The following MYO18A variants were observed in gnomAD, a reference collection of about 807,000 sequenced individuals.
The protein encoded by MYO18A is unconventional myosin-XVIIIa.
In MYO18A, 78 loss-of-function variants were observed where a neutral mutation model predicts 235.8. The ratio of observed to expected loss-of-function variants is 0.33; its 90% CI spans 0.28 to 0.40. MYO18A has a LOEUF of 0.40. MYO18A is among the 10% of genes least tolerant of loss of function. MYO18A has a pLI of 1.00. For missense variants in MYO18A, 2,215 were observed against 2,699.3 expected, an observed-to-expected ratio of 0.82 and a Z score of 3.98; for synonymous variants, 977 against 1,077.8, an observed-to-expected ratio of 0.91 and a Z score of 1.83.
At chr17:29,157,530 G>T (rs755341216) in intron 2 of MYO18A, among the ~76,000 whole-genome samples, 1 of 152,218 alleles carries the variant, frequency 6.6e-6, no homozygotes, top group African/African-American at 2.4e-5. Flanking sequence ...GATGGCCTGA[G>T]TTCAAGTCCT....
intron 34 of MYO18A, chr17:29,091,835 C>A: frequency 5.8e-6 from 2 of 344,168 alleles, no homozygotes; most frequent in South Asian, 4.3e-5. Context: ...CCTGTACTGG[C>A]CGCATCCCAG....
chr17:29,159,144 C>T (rs1008424475), intron 2 of MYO18A, among the ~76,000 whole-genome samples: 1 of 152,128 alleles, frequency 6.6e-6, no homozygotes, highest in African/African-American at 2.4e-5. Flanking sequence ...TGCAATTCAT[C>T]GAGCATCTCA....
At chr17:29,168,123 C>G (rs371462769) in intron 1 of MYO18A, among the ~76,000 whole-genome samples, 174 of 125,892 alleles carry the variant, frequency 1.4e-3, no homozygotes, top group African/African-American at 4.9e-3. Context: ...AGTAAAGCAG[C>G]AAGAGAAAGA....
Position 29,166,814 on chromosome 17 carries a change from G to A in MYO18A, c.127C>T (p.Arg43Cys), listed in dbSNP as rs762579319. 2.5e-6 allele frequency: 4 copies of A among 1,601,054 alleles called. No individual in the cohort carries two copies. Among genetic ancestry groups the A allele is most frequent in the Admixed American group, 1.7e-5 (1 of 57,530 alleles). The change falls in exon 2 of 42, where the codon CGT becomes TGT. Residue 43 changes from arginine to cysteine, a missense_variant. Transcript: ENST00000527372. ...LRSLEEMSLR[R>C]GFFNLNRSSK... The stretch of plus-strand genomic sequence containing the variant: ...GAGCGGTTCAGGTTGAAGAAGCCAC[G>A]TCGCAGGCTCATCTCCTCCAGGCTC...
chr17:29,124,675 G>A, intron 2 of MYO18A: 2 of 1,285,280 alleles, frequency 1.6e-6, no homozygotes, highest in Non-Finnish European at 2.0e-6. Flanking sequence ...ATGAGAGGCG[G>A]CCTCAGAGTC....
rs569223739 is a variant in MYO18A at position 29,165,886 on chromosome 17, G to A, written c.999+56C>T. 193 of 1,515,246 alleles carry A rather than the reference G, an allele frequency of 1.3e-4. 3 individuals carry two copies. In the East Asian group the frequency reaches 4.4e-3, roughly 35 times the overall value. 93.9% of individuals were successfully genotyped at this position (1,515,246 alleles called of 1,614,324 possible). A position where few individuals can be genotyped will look rare whatever the true frequency, so the allele number is the denominator to read the frequency against. On this transcript the variant is annotated intron_variant, in intron 2 of 41. Transcript: ENST00000527372. The stretch of plus-strand genomic sequence containing the variant: ...GGTACCCCGATTACCCAGTCAAGCA[G>A]GAGGTGCCCACATTCCCCATCCCTG...
At chr17:29,116,018 TG>T (rs2152839119) in intron 11 of MYO18A, among the ~76,000 whole-genome samples, 178 bp from the exon 12 acceptor site, 1 of 152,286 alleles carries the variant, frequency 6.6e-6, no homozygotes, top group East Asian at 1.9e-4. Context: ...CTGTGTCCCG[TG>T]GGGATGGAGA....
At position 29,074,615 on chromosome 17, in the gene MYO18A, T is replaced by G. The variant is rs574519022; in HGVS notation, c.*155A>C. 2 of 766,626 alleles carry G rather than the reference T, an allele frequency of 2.6e-6. No individual in the cohort carries two copies. The highest frequency in any genetic ancestry group is 3.5e-5 in the African/African-American group (2 of 57,488). The allele number at this position is 766,626 out of a possible 1,614,324, so 47.5% of individuals were successfully genotyped here. On this transcript the variant is annotated 3_prime_UTR_variant, in exon 42 of 42. Transcript: ENST00000527372. This position sits in a 1 kb window ranked among gnomAD's most constrained non-coding sequence, Gnocchi z 4.4. ...TCCACGTGGAGACATCAGACACCCA[T>G]AGCCTGGAAAGTGCCCCTGACAGAA...
intron 2 of MYO18A, among the ~76,000 whole-genome samples, chr17:29,142,030 C>T (rs899032352): frequency 1.5e-4 from 23 of 152,208 alleles, no homozygotes; most frequent in Admixed American, 1.1e-3. Context: ...CTGCAAGCTC[C>T]GCCTCCCGGG....
chr17:29,111,338 C>T lies in MYO18A; in HGVS notation c.2900+86G>A. ...GCCATCTACTTTGCTAGTGAGGGGG[C>T]CTCTGAGACAACCCCAGGGGGAGGG... On this transcript the variant is annotated intron_variant, in intron 17 of 41. Transcript: ENST00000527372. This position sits in a 1 kb window ranked among gnomAD's most constrained non-coding sequence, Gnocchi z 5.1. 1 of 1,465,986 alleles carries T rather than the reference C, an allele frequency of 6.8e-7. No individual in the cohort carries two copies. Among genetic ancestry groups the T allele is most frequent in the Admixed American group, 2.0e-5 (1 of 50,030 alleles). 90.8% of individuals were successfully genotyped at this position (1,465,986 alleles called of 1,614,324 possible).
intron 38 of MYO18A, 170 bp downstream of exon 38, chr17:29,086,766 T>C (rs1017461243): frequency 8.1e-6 from 9 of 1,104,794 alleles, no homozygotes; most frequent in Non-Finnish European, 1.0e-5. Context: ...GAGTCTCCAG[T>C]GCCGCTAGCT....
chr17:29,098,755 C>A lies in MYO18A; in HGVS notation c.3780+71G>T. 2.5e-6 allele frequency: 4 copies of A among 1,577,468 alleles called. No homozygotes were observed. The Admixed American group carries it at 7.2e-5, about 28-fold the overall frequency. Reference sequence around the variant, plus strand: ...CTCTCTGGACTAAACGAAGAAGCGCCTGGAAGCCCAAGATAAACCAGCAAG... The same window carrying A: ...CTCTCTGGACTAAACGAAGAAGCGCATGGAAGCCCAAGATAAACCAGCAAG... On this transcript the variant is annotated intron_variant, in intron 23 of 41. Transcript: ENST00000527372.
intron 32 of MYO18A, 68 bp downstream of exon 32, chr17:29,093,255 G>C: frequency 7.2e-7 from 1 of 1,392,814 alleles, no homozygotes; most frequent in Non-Finnish European, 9.9e-7. Context: ...CCCATCCCTA[G>C]GATCCCCACT....
At chr17:29,163,977 C>T (rs2068227757) in intron 2 of MYO18A, among the ~76,000 whole-genome samples, 1 of 152,230 alleles carries the variant, frequency 6.6e-6, no homozygotes, top group South Asian at 2.1e-4. Context: ...GCAACTTCCG[C>T]CTCCCGGGTT....
chr17:29,074,036 CCA>C lies in MYO18A; in HGVS notation c.*732_*733del, dbSNP rs781476992. 2 of 1,613,828 alleles carry C rather than the reference CCA, an allele frequency of 1.2e-6. No individual in the cohort carries two copies. Among genetic ancestry groups the C allele is most frequent in the African/African-American group, 2.7e-5 (2 of 74,848 alleles). ...GGTGGGGGCTGGAGGTGCGGATGGT[CCA>C]CACACACACTTGTCTGCGTAGGCTT... On this transcript the variant is annotated 3_prime_UTR_variant, in exon 42 of 42. Transcript: ENST00000527372. The surrounding 1 kb of genome is among the most constrained non-coding windows in gnomAD (Gnocchi z 4.4).
Position 29,074,750 on chromosome 17 carries a change from C to T in MYO18A, c.*20G>A, listed in dbSNP as rs1450045454. ...AGCCACAGGCCCTGGGGTGAGAGGG[C>T]TGCCAACCACTCCCCTGGGCTATGC... On this transcript the variant is annotated 3_prime_UTR_variant, in exon 42 of 42. Transcript: ENST00000527372. This position sits in a 1 kb window ranked among gnomAD's most constrained non-coding sequence, Gnocchi z 4.4. 6.2e-7 allele frequency: 1 copy of T among 1,613,204 alleles called. No individual in the cohort carries two copies. The highest frequency in any genetic ancestry group is 1.7e-5 in the Admixed American group (1 of 59,988).
rs78839711 is a variant in MYO18A at position 29,074,087 on chromosome 17, G to A, written c.*683C>T. ...TTGCTCAACCCAGCCCAGCAGCACC[G>A]GAGAGCCCCTCCGCACCTCATTCTT... On this transcript the variant is annotated 3_prime_UTR_variant, in exon 42 of 42. Transcript: ENST00000527372. The surrounding 1 kb of genome is among the most constrained non-coding windows in gnomAD (Gnocchi z 4.4). 1.4e-3 allele frequency: 2,240 copies of A among 1,614,004 alleles called. 6 individuals carry two copies. The highest frequency in any genetic ancestry group is 1.7e-3 in the Non-Finnish European group (1,978 of 1,180,040).
chr17:29,115,426 G>A lies in MYO18A; in HGVS notation c.2243C>T (p.Ala748Val). The A allele has an allele frequency of 1.9e-6, 3 of 1,613,836 alleles. No individual in the cohort carries two copies. In the South Asian group the frequency reaches 3.3e-5, roughly 18 times the overall value. The change falls in exon 13 of 42, where the codon GCA becomes GTA. Residue 748 changes from alanine to valine, a missense_variant. Transcript: ENST00000527372. Reference protein sequence around the residue: ...LGDGTGPKLSALECLEGMAAG... With the variant: ...LGDGTGPKLSVLECLEGMAAG... The stretch of plus-strand genomic sequence containing the variant: ...CGCCATGCCCTCAAGGCACTCCAGT[G>A]CACTCAGTTTCGGGCCTGTGGGGCA...
intron 40 of MYO18A, among the ~76,000 whole-genome samples, chr17:29,083,558 A>ACACACACACACG (rs1568038715): frequency 4.6e-5 from 7 of 151,586 alleles, no homozygotes; most frequent in Non-Finnish European, 1.0e-4. Context: ...ACACACACAC[A>ACACACACACACG]CGAAACCAGC....
Sources: allele counts gnomAD v4.1 joint callset (sites outside exome capture counted in the v4.1 genomes callset), GRCh38; gene constraint gnomAD v4.1.1; non-coding constraint Gnocchi (gnomAD v3.1); transcripts MANE v1.5; gene names NCBI Gene and HGNC (gene_info 2026-07-23, HGNC 2026-07-21).